Variants in LCOR observed in about 807,000 individuals in gnomAD.
LCOR encodes ligand-dependent corepressor.
LCOR carries 14 observed loss-of-function variants against 64.4 expected under a neutral mutation model. That is an observed-to-expected ratio of 0.22 (90% CI 0.14 to 0.34). The LOEUF (loss-of-function observed/expected upper bound fraction) is 0.34, where lower values mean the gene tolerates loss of function less well. LCOR is among the 10% of genes least tolerant of loss of function. The pLI is 1.00. For missense variants in LCOR, 1,686 were observed against 1,765.3 expected (o/e 0.96, Z 0.80); for synonymous variants, 643 against 642.5 (o/e 1.00, Z -0.01).
intron 4 of LCOR, among the ~76,000 whole-genome samples, chr10:96,925,692 T>C (rs1847156386): frequency 6.6e-6 from 1 of 152,188 alleles, no homozygotes; most frequent in South Asian, 2.1e-4. Flanking sequence ...GAAATATTAC[T>C]ATTTTCCCCT....
chr10:96,962,499 A>AG (rs1847897185), intron 7 of LCOR: 1 of 152,124 alleles, frequency 6.6e-6, no homozygotes, highest in Non-Finnish European at 1.5e-5. Flanking sequence ...TTCTAAAATG[A>AG]GGGGGGATGA....
Position 96,895,813 on chromosome 10 carries a change from C to T in LCOR, c.-329-11452C>T, listed in dbSNP as rs116065078. 8.7e-4 allele frequency among the ~76,000 whole-genome samples: 133 copies of T among 152,328 alleles called. 2 individuals carry two copies. The Middle Eastern group carries it at 0.031, about 35-fold the overall frequency. On this transcript the variant is annotated intron_variant, in intron 2 of 7. Transcript: ENST00000421806. ...CTTCATTGAGTGCTCAGAAATGTTA[C>T]CTCCTTTGCCTGTAATCCCAGTGTT...
At chr10:96,898,010 G>T (rs1846571240) in intron 2 of LCOR, among the ~76,000 whole-genome samples, 1 of 151,878 alleles carries the variant, frequency 6.6e-6, no homozygotes, top group East Asian at 1.9e-4. Context: ...AATGATGTAG[G>T]AATTAAAAAG....
intron 4 of LCOR, among the ~76,000 whole-genome samples, chr10:96,923,802 C>G (rs1847121588): frequency 6.6e-6 from 1 of 152,168 alleles, no homozygotes; most frequent in Admixed American, 6.5e-5. Context: ...TAACAGTTCT[C>G]TTTATCAGGG....
At chr10:96,847,122 T>C (rs1271187729) in intron 2 of LCOR, among the ~76,000 whole-genome samples, 3 of 152,080 alleles carry the variant, frequency 2.0e-5, no homozygotes. Context: ...GCGAGCCTGT[T>C]GGTCCCAGCT....
In LCOR at chr10:96,986,936, CTGA is replaced by C. The variant is rs1848154396; in HGVS notation, c.*1807_*1809del. ...GGTTTGCTGTATATCATGGGAACTT[CTGA>C]TGATTGGATAAGACTGGAGAAAAGT... is the stretch of plus-strand genomic sequence containing the variant. On this transcript the variant is annotated 3_prime_UTR_variant, in exon 8 of 8. Coordinates refer to ENST00000421806, the MANE Select transcript of LCOR (RefSeq NM_001346516.2). 1 of 152,174 alleles carries C rather than the reference CTGA, an allele frequency of 6.6e-6. No homozygotes were observed. The highest frequency in any genetic ancestry group is 2.4e-5 in the African/African-American group (1 of 41,438). The allele number at this position is 152,174 out of a possible 1,614,324, so 9.4% of individuals were successfully genotyped here.
intron 4 of LCOR, among the ~76,000 whole-genome samples, chr10:96,932,528 A>C (rs1256073764): frequency 6.6e-6 from 1 of 151,890 alleles, no homozygotes; most frequent in Non-Finnish European, 1.5e-5. Flanking sequence ...CAGTGGTGCG[A>C]TCTTGGTTCA....
chr10:96,880,093 C>T (rs184804263), intron 2 of LCOR, among the ~76,000 whole-genome samples: 8 of 152,312 alleles, frequency 5.3e-5, no homozygotes, highest in Non-Finnish European at 1.2e-4. Context: ...ACTGTTGATA[C>T]TGAAAATCCT....
At chr10:96,890,820 G>A (rs181495920) in intron 2 of LCOR, among the ~76,000 whole-genome samples, 4 of 152,030 alleles carry the variant, frequency 2.6e-5, no homozygotes, top group South Asian at 2.1e-4. Context: ...TCTTTTCCCC[G>A]CTTTATTCTG....
chr10:96,911,782 G>T (rs1251393015), intron 4 of LCOR, among the ~76,000 whole-genome samples: 1 of 152,014 alleles, frequency 6.6e-6, no homozygotes, highest in Non-Finnish European at 1.5e-5. Context: ...CTGTTTTATG[G>T]GCATAAAGTA....
Position 96,988,213 on chromosome 10 carries a change from C to G in LCOR, c.*3079C>G, listed in dbSNP as rs1339034457. The G allele has an allele frequency of 1.3e-5, 2 of 152,230 alleles. No individual in the cohort carries two copies. The highest frequency in any genetic ancestry group is 2.9e-5 in the Non-Finnish European group (2 of 68,072). The allele number at this position is 152,230 out of a possible 1,614,324, so 9.4% of individuals were successfully genotyped here. A position where few individuals can be genotyped will look rare whatever the true frequency, so the allele number is the denominator to read the frequency against. ...CTCACTTGGGGTCCTGAGCCTCACC[C>G]CTAGCACTTCCTCAGACAGGTAACA... is the stretch of plus-strand genomic sequence containing the variant. On this transcript the variant is annotated 3_prime_UTR_variant, in exon 8 of 8. Transcript: ENST00000421806.
intron 2 of LCOR, among the ~76,000 whole-genome samples, chr10:96,866,702 G>A (rs574679811): frequency 6.6e-6 from 1 of 152,204 alleles, no homozygotes; most frequent in South Asian, 2.1e-4. Flanking sequence ...AGCCTCCCTA[G>A]TAGCTCGGAT....
chr10:96,939,149 G>C (rs568455739), intron 4 of LCOR, among the ~76,000 whole-genome samples: 1 of 152,304 alleles, frequency 6.6e-6, no homozygotes, highest in African/African-American at 2.4e-5. Flanking sequence ...TGTGATGCTG[G>C]CTTGAGGATA....
chr10:96,911,105 T>TC (rs2134457123), intron 4 of LCOR, among the ~76,000 whole-genome samples: 1 of 149,562 alleles, frequency 6.7e-6, no homozygotes, highest in East Asian at 1.9e-4. Flanking sequence ...TTTTTTTTTT[T>TC]TTTTTTTTTT....
At chr10:96,846,707 A>G (rs1331920508) in intron 2 of LCOR, among the ~76,000 whole-genome samples, 1 of 152,228 alleles carries the variant, frequency 6.6e-6, no homozygotes, top group Admixed American at 6.5e-5. Flanking sequence ...TTATTAAAAT[A>G]GATTCTGGCA....
At position 96,949,288 on chromosome 10, in the gene LCOR, C is replaced by A; in HGVS notation, c.231C>A (p.Ser77Arg). Reference protein sequence around the residue: ...LTVRKSQSEPSEQDGVLDLST... With the variant: ...LTVRKSQSEPREQDGVLDLST... ...TCAGAAAGTCTCAGTCAGAACCTAG[C>A]GAACAAGGTATGGTTTGATGTCAAG... Residue 77 changes from serine to arginine, a missense_variant, in exon 6 of 8, where the codon AGC becomes AGA. This residue lies in a region of LCOR where 80 missense variants were observed against 107.7 expected (regional missense o/e 0.74). Coordinates refer to ENST00000421806, the MANE Select transcript of LCOR (RefSeq NM_001346516.2). The A allele has an allele frequency of 6.2e-7, 1 of 1,613,678 alleles. No homozygotes were observed. The highest frequency in any genetic ancestry group is 8.5e-7 in the Non-Finnish European group (1 of 1,179,892).
chr10:96,983,910 A>G lies in LCOR; in HGVS notation c.3450A>G (p.Lys1150=). The change falls in exon 8 of 8, where the codon AAA becomes AAG. Residue 1150 remains lysine (K), a synonymous_variant. Coordinates refer to ENST00000421806, the MANE Select transcript of LCOR (RefSeq NM_001346516.2). This position sits in a 1 kb window ranked among gnomAD's most constrained non-coding sequence, Gnocchi z 4.5. ...CAGATAAACTGAAAGAGATTTGGAA[A>G]AGCAAGAAAAGGTCACGGAAATGTA... is the stretch of plus-strand genomic sequence containing the variant. ...NKSDKLKEIW[K]SKKRSRKCRS... 6.2e-7 allele frequency: 1 copy of G among 1,614,210 alleles called. No individual in the cohort carries two copies. Among genetic ancestry groups the G allele is most frequent in the Non-Finnish European group, 8.5e-7 (1 of 1,180,036 alleles).
Position 96,981,412 on chromosome 10 carries a change from G to C in LCOR, c.952G>C (p.Glu318Gln). Residue 318 changes from glutamate (E) to glutamine (Q), a missense_variant, in exon 8 of 8, where the codon GAA (glutamate) becomes CAA (glutamine). By Grantham distance (29) the Glu-to-Gln change is conservative. This residue lies in a region of LCOR where 313 missense variants were observed against 247.2 expected (regional missense o/e 1.27). Coordinates refer to ENST00000421806, the MANE Select transcript of LCOR (RefSeq NM_001346516.2). ...KDHMQSSALV[E>Q]SLITVKMAAE... ...CCATATGCAGAGTTCAGCTTTAGTA[G>C]AAAGTCTAATTACAGTAAAAATGGC... The C allele has an allele frequency of 6.2e-7, 1 of 1,614,196 alleles. No homozygotes were observed. The highest frequency in any genetic ancestry group is 1.6e-4 in the Middle Eastern group (1 of 6,062).
intron 2 of LCOR, among the ~76,000 whole-genome samples, chr10:96,859,240 G>T (rs1845849965): frequency 6.6e-6 from 1 of 152,130 alleles, no homozygotes; most frequent in Non-Finnish European, 1.5e-5. Flanking sequence ...GATGGTCAGT[G>T]GCATCTGTTG....
Sources: gnomAD v4.1 joint callset for allele counts (sites outside exome capture counted in the v4.1 genomes callset) on GRCh38, gnomAD v4.1.1 for gene constraint, gnomAD v4.1.1 regional missense constraint, Gnocchi (gnomAD v3.1) non-coding constraint, MANE v1.5 for transcripts, NCBI Gene and HGNC (gene_info 2026-07-23, HGNC 2026-07-21) for gene names.